Variants in PCDH7 observed in about 807,000 individuals in gnomAD.
PCDH7 encodes protocadherin 7.
In PCDH7, 17 loss-of-function variants were observed where a neutral mutation model predicts 58.9. The ratio of observed to expected loss-of-function variants is 0.29; its 90% CI spans 0.20 to 0.43. The LOEUF (loss-of-function observed/expected upper bound fraction) is 0.43, where lower values mean the gene tolerates loss of function less well. Ranked by LOEUF, PCDH7 falls within the 20% of genes least tolerant of loss-of-function variation. The pLI is 1.00. For missense variants in PCDH7, 1,274 were observed against 1,441.0 expected, an observed-to-expected ratio of 0.88 and a Z score of 1.88; for synonymous variants, 664 against 616.4, an observed-to-expected ratio of 1.08 and a Z score of -1.14.
At chr4:30,894,481 AAAAAAAAAAATATATATAT>A (rs1739048900) in intron 1 of PCDH7, among the ~76,000 whole-genome samples, 2 of 57,036 alleles carry the variant, frequency 3.5e-5, no homozygotes, top group African/African-American at 1.3e-4. Context: ...AAAAAAAAAA[AAAAAAAAAAATATATATAT>A]ATATATATAT....
intron 2 of PCDH7, among the ~76,000 whole-genome samples, chr4:30,937,944 T>C (rs907442918): frequency 3.3e-5 from 5 of 151,862 alleles, no homozygotes; most frequent in African/African-American, 4.8e-5. Flanking sequence ...ACCTCGTCAT[T>C]AAGCAACTTT....
intron 1 of PCDH7, among the ~76,000 whole-genome samples, chr4:30,911,601 C>A (rs934154907): frequency 6.6e-6 from 1 of 151,956 alleles, no homozygotes; most frequent in Admixed American, 6.6e-5. Context: ...AATATAATAT[C>A]TTTTTTAGAA....
At chr4:30,793,760 T>A (rs1724432783) in intron 1 of PCDH7, among the ~76,000 whole-genome samples, 1 of 152,228 alleles carries the variant, frequency 6.6e-6, no homozygotes, top group African/African-American at 2.4e-5. Context: ...ACTACATTTT[T>A]AATTCCAAAT....
chr4:30,774,096 T>C (rs1286832805), intron 1 of PCDH7, among the ~76,000 whole-genome samples: 3 of 152,170 alleles, frequency 2.0e-5, no homozygotes, highest in Admixed American at 1.3e-4. Context: ...TTATGTCTCT[T>C]AATAGGATTG....
At chr4:30,904,744 T>A (rs1740695383) in intron 1 of PCDH7, among the ~76,000 whole-genome samples, 1 of 152,166 alleles carries the variant, frequency 6.6e-6, no homozygotes, top group Non-Finnish European at 1.5e-5. Flanking sequence ...TCTAACAAAG[T>A]GCAGATAAGG....
At chr4:31,090,200 T>G (rs1713047251) in intron 3 of PCDH7, among the ~76,000 whole-genome samples, 2 of 152,024 alleles carry the variant, frequency 1.3e-5, no homozygotes, top group Admixed American at 1.3e-4. Flanking sequence ...CTTGGAAGTG[T>G]GCAAGCATTA....
chr4:31,102,180 A>G (rs956967190), intron 3 of PCDH7, among the ~76,000 whole-genome samples: 6 of 152,126 alleles, frequency 3.9e-5, no homozygotes, highest in African/African-American at 7.2e-5. Context: ...TTTCAAAACA[A>G]TATTATGATC....
chr4:30,762,538 G>C (rs889830281), intron 1 of PCDH7, among the ~76,000 whole-genome samples: 2 of 151,788 alleles, frequency 1.3e-5, no homozygotes, highest in African/African-American at 4.8e-5. Context: ...TTCTAACTTG[G>C]CTGATTAAAA....
At chr4:30,856,537 T>C (rs1733481340) in intron 1 of PCDH7, among the ~76,000 whole-genome samples, 1 of 152,054 alleles carries the variant, frequency 6.6e-6, no homozygotes, top group South Asian at 2.1e-4. Context: ...GCAGTTGTTG[T>C]ATACCAGTAT....
At chr4:30,786,263 G>A (rs1202123411) in intron 1 of PCDH7, among the ~76,000 whole-genome samples, 1 of 151,966 alleles carries the variant, frequency 6.6e-6, no homozygotes, top group African/African-American at 2.4e-5. Flanking sequence ...TACTTGGAAG[G>A]GTGTGAACAT....
intron 1 of PCDH7, among the ~76,000 whole-genome samples, chr4:30,766,362 TA>T (rs896546783): frequency 3.9e-5 from 6 of 152,086 alleles, no homozygotes; most frequent in African/African-American, 1.4e-4. Context: ...AGGCTCCATC[TA>T]AAAAAATTTT....
intron 3 of PCDH7, among the ~76,000 whole-genome samples, chr4:31,111,684 A>G (rs186915572): frequency 6.6e-6 from 1 of 152,298 alleles, no homozygotes; most frequent in Admixed American, 6.5e-5. Flanking sequence ...AATAAGCAAT[A>G]CTATATTGTA....
intron 1 of PCDH7, chr4:30,783,168 T>G (rs1402167256): frequency 6.6e-6 from 1 of 152,192 alleles, no homozygotes; most frequent in Non-Finnish European, 1.5e-5. Context: ...TGTCTTTCAT[T>G]TCAAATGGTT....
chr4:30,903,624 A>G (rs773410032), intron 1 of PCDH7, among the ~76,000 whole-genome samples: 2 of 152,124 alleles, frequency 1.3e-5, no homozygotes, highest in Non-Finnish European at 2.9e-5. Flanking sequence ...ATTATCCTTT[A>G]TATTTTCCAA....
At chr4:31,104,625 T>G (rs1192457129) in intron 3 of PCDH7, among the ~76,000 whole-genome samples, 1 of 152,242 alleles carries the variant, frequency 6.6e-6, no homozygotes, top group African/African-American at 2.4e-5. Context: ...AATGATTTAA[T>G]TTGCAGGACT....
chr4:30,904,578 A>T (rs959375710), intron 1 of PCDH7, among the ~76,000 whole-genome samples: 1 of 152,204 alleles, frequency 6.6e-6, no homozygotes, highest in Non-Finnish European at 1.5e-5. Flanking sequence ...GCTTCCATTC[A>T]TTAAGACTTG....
At chr4:30,950,058 G>C (rs1747195126) in intron 2 of PCDH7, 1 of 152,510 alleles carries the variant, frequency 6.6e-6, no homozygotes, top group Non-Finnish European at 1.5e-5. Flanking sequence ...TCTATGGATG[G>C]ACACCATTGT....
At chr4:30,939,227 C>A (rs1326170456) in intron 2 of PCDH7, among the ~76,000 whole-genome samples, 1 of 152,152 alleles carries the variant, frequency 6.6e-6, no homozygotes, top group South Asian at 2.1e-4. Context: ...CTGTTGAAAA[C>A]TTATGATAAT....
chr4:30,938,530 T>G (rs1408342202), intron 2 of PCDH7, among the ~76,000 whole-genome samples: 1 of 151,740 alleles, frequency 6.6e-6, no homozygotes, highest in Admixed American at 6.6e-5. Context: ...ACACCAGCCT[T>G]GATAGGCTAG....
Sources: gnomAD v4.1 joint callset for allele counts (sites outside exome capture counted in the v4.1 genomes callset) on GRCh38, gnomAD v4.1.1 for gene constraint, MANE v1.5 for transcripts, NCBI Gene and HGNC (gene_info 2026-07-23, HGNC 2026-07-21) for gene names.